Variants in EPB41L4A observed in about 807,000 individuals in gnomAD.
EPB41L4A encodes the protein erythrocyte membrane protein band 4.1 like 4A, also known as band 4.1-like protein 4A.
EPB41L4A carries 100 observed loss-of-function variants against 108.6 expected under a neutral mutation model. The ratio of observed to expected loss-of-function variants is 0.92; its 90% CI spans 0.78 to 1.09. The LOEUF (loss-of-function observed/expected upper bound fraction) is 1.09. Among genes scored for constraint, EPB41L4A ranks in the 50% least tolerant of loss-of-function variants. The pLI is 0.00. For missense variants in EPB41L4A, 1,030 were observed against 842.7 expected, an observed-to-expected ratio of 1.22 and a Z score of -2.75; for synonymous variants, 319 against 289.0, an observed-to-expected ratio of 1.10 and a Z score of -1.05.
intron 12 of EPB41L4A, among the ~76,000 whole-genome samples, chr5:112,215,369 A>G (rs943979302): frequency 1.3e-5 from 2 of 152,240 alleles, no homozygotes; most frequent in African/African-American, 4.8e-5. Context: ...TTTGAAGTAA[A>G]TCTGTATTTT....
intron 21 of EPB41L4A, 23 bp downstream of exon 21, chr5:112,168,971 GT>G: frequency 6.4e-7 from 1 of 1,560,982 alleles, no homozygotes; most frequent in Non-Finnish European, 8.8e-7. Flanking sequence ...GATGGTGATG[GT>G]GTACTCTGGC....
At chr5:112,190,129 T>A (rs1382833494) in intron 17 of EPB41L4A, among the ~76,000 whole-genome samples, 1 of 152,160 alleles carries the variant, frequency 6.6e-6, no homozygotes, top group African/African-American at 2.4e-5. Context: ...ACTAGGTAGG[T>A]TCCCAACTTC....
At chr5:112,189,872 T>A (rs1761608138) in intron 17 of EPB41L4A, among the ~76,000 whole-genome samples, 1 of 152,164 alleles carries the variant, frequency 6.6e-6, no homozygotes, top group African/African-American at 2.4e-5. Context: ...TTTCCTTGAA[T>A]GTCAAGGATA....
chr5:112,255,490 A>T (rs1751018436), intron 9 of EPB41L4A, among the ~76,000 whole-genome samples: 1 of 152,082 alleles, frequency 6.6e-6, no homozygotes, highest in South Asian at 2.1e-4. Flanking sequence ...CTTGTCAATG[A>T]TCTCCTACAT....
chr5:112,189,909 G>T (rs906993158), intron 17 of EPB41L4A, among the ~76,000 whole-genome samples: 1 of 152,148 alleles, frequency 6.6e-6, no homozygotes, highest in African/African-American at 2.4e-5. Context: ...ACATATCCAG[G>T]TAAAGCTAGT....
chr5:112,198,265 T>C (rs985231344), intron 15 of EPB41L4A, among the ~76,000 whole-genome samples: 2 of 152,072 alleles, frequency 1.3e-5, no homozygotes, highest in Admixed American at 6.6e-5. Flanking sequence ...ACTTCTGACC[T>C]CAGGTGATCG....
chr5:112,243,659 C>T (rs1337013778), intron 9 of EPB41L4A, among the ~76,000 whole-genome samples: 1 of 152,194 alleles, frequency 6.6e-6, no homozygotes, highest in Non-Finnish European at 1.5e-5. Context: ...CTTGCTGCAG[C>T]TTCTAAATCA....
chr5:112,221,138 T>C (rs928229616), intron 12 of EPB41L4A, among the ~76,000 whole-genome samples: 1 of 152,206 alleles, frequency 6.6e-6, no homozygotes, highest in African/African-American at 2.4e-5. Flanking sequence ...TTCTCCCCTA[T>C]ACAATCCACC....
chr5:112,418,160 G>T (rs748313966), intron 1 of EPB41L4A, among the ~76,000 whole-genome samples: 1 of 152,222 alleles, frequency 6.6e-6, no homozygotes, highest in Non-Finnish European at 1.5e-5. Flanking sequence ...TCCGGATTTA[G>T]ATCTCCTTTA....
chr5:112,394,451 C>T (rs1761188997), intron 1 of EPB41L4A, among the ~76,000 whole-genome samples: 1 of 152,132 alleles, frequency 6.6e-6, no homozygotes, highest in Non-Finnish European at 1.5e-5. Context: ...CAATAACAAA[C>T]AAACAGAGAG....
At chr5:112,277,893 T>C (rs1468705117) in intron 3 of EPB41L4A, among the ~76,000 whole-genome samples, 3 of 152,348 alleles carry the variant, frequency 2.0e-5, no homozygotes, top group East Asian at 3.9e-4. Context: ...CATCATTCCA[T>C]GGACTCAAAC....
chr5:112,304,823 T>C (rs1754584724), intron 2 of EPB41L4A, among the ~76,000 whole-genome samples: 1 of 152,180 alleles, frequency 6.6e-6, no homozygotes, highest in Non-Finnish European at 1.5e-5. Context: ...AAAAGCATTT[T>C]ATTGTCAATT....
Position 112,262,500 on chromosome 5 carries a change from G to T in EPB41L4A, c.636C>A (p.Pro212=). The change falls in exon 7 of 23, where the codon CCC becomes CCA. Residue 212 remains proline (P), a synonymous_variant. Transcript: ENST00000261486. ...TTAATTAAATGTTACTCACATAGAC[G>T]GGATGGAGGTCAACGCCATACATCT... is the stretch of plus-strand genomic sequence containing the variant. ...SLEMYGVDLH[P]VYGENKSEYF... is the part of the protein sequence containing the mutation. The T allele has an allele frequency of 1.1e-5, 18 of 1,613,056 alleles. No individual in the cohort carries two copies. Among genetic ancestry groups the T allele is most frequent in the Non-Finnish European group, 1.5e-5 (18 of 1,179,210 alleles).
chr5:112,161,764 G>C (rs1759921521), downstream of EPB41L4A: 1 of 399,876 alleles, frequency 2.5e-6, no homozygotes, highest in Admixed American at 3.1e-5. Flanking sequence ...GGAGCATAAA[G>C]GTGACCTGAA....
At chr5:112,266,452 T>G in intron 4 of EPB41L4A, 122 bp from the exon 5 acceptor site, 1 of 656,474 alleles carries the variant, frequency 1.5e-6, no homozygotes. Context: ...CACCCCCCAT[T>G]CTTGTGTGAG....
At chr5:112,402,251 C>T (rs1250748447) in intron 1 of EPB41L4A, among the ~76,000 whole-genome samples, 1 of 152,170 alleles carries the variant, frequency 6.6e-6, no homozygotes, top group Non-Finnish European at 1.5e-5. Flanking sequence ...TCTGCTTCCC[C>T]CTCACCTTCC....
intron 1 of EPB41L4A, among the ~76,000 whole-genome samples, chr5:112,354,400 TAAAC>T (rs141299319): frequency 0.013 from 1,925 of 151,986 alleles, 21 homozygotes; most frequent in Non-Finnish European, 0.021. Context: ...AAAGGGAAAA[TAAAC>T]AACCTGGAAC....
intron 1 of EPB41L4A, among the ~76,000 whole-genome samples, chr5:112,348,709 C>A (rs1421656830): frequency 6.6e-6 from 1 of 152,108 alleles, no homozygotes; most frequent in Non-Finnish European, 1.5e-5. Flanking sequence ...AGTAAACTCC[C>A]AAATATCTGT....
chr5:112,304,844 A>G (rs1198723077), intron 2 of EPB41L4A, among the ~76,000 whole-genome samples: 1 of 152,204 alleles, frequency 6.6e-6, no homozygotes, highest in Non-Finnish European at 1.5e-5. Flanking sequence ...TACGATAAGC[A>G]TATCAAGATT....
Sources: allele counts gnomAD v4.1 joint callset (sites outside exome capture counted in the v4.1 genomes callset), GRCh38; gene constraint gnomAD v4.1.1; transcripts MANE v1.5; gene names NCBI Gene and HGNC (gene_info 2026-07-23, HGNC 2026-07-21).